The following ZNF516 variants were observed in gnomAD, a reference collection of about 807,000 sequenced individuals.
The protein encoded by ZNF516 is zinc finger protein 516.
ZNF516 carries 19 observed loss-of-function variants against 79.7 expected under a neutral mutation model. The ratio of observed to expected loss-of-function variants is 0.24; its 90% CI spans 0.17 to 0.35. The LOEUF is 0.35. Among genes scored for constraint, ZNF516 ranks in the 10% least tolerant of loss-of-function variants. ZNF516 has a pLI of 1.00. For missense variants in ZNF516, 1,678 were observed against 1,679.5 expected, an observed-to-expected ratio of 1.00 and a Z score of 0.02; for synonymous variants, 877 against 739.5, an observed-to-expected ratio of 1.19 and a Z score of -3.02.
chr18:76,375,930 G>A (rs189135630), intron 4 of ZNF516, among the ~76,000 whole-genome samples: 21 of 152,062 alleles, frequency 1.4e-4, no homozygotes, highest in Non-Finnish European at 2.6e-4. Flanking sequence ...CAAGAGACCA[G>A]GTAGAGGATG....
intron 3 of ZNF516, among the ~76,000 whole-genome samples, chr18:76,427,399 T>C (rs1320618798): frequency 6.6e-6 from 1 of 152,188 alleles, no homozygotes; most frequent in East Asian, 1.9e-4. Flanking sequence ...AAACATAACA[T>C]AACCTACCAG....
In ZNF516 at chr18:76,441,694, C is replaced by T. The variant is rs1450687811; in HGVS notation, c.1361G>A (p.Arg454His). ...CTCCTGGCTCACCAGGACGTACTCG[C>T]GCCTGTCCTTGTCGAAGGCCACGTC... ...AGDVAFDKDR[R>H]EYVLVSQEKR... The change falls in exon 3 of 7, where the codon CGC (arginine) becomes CAC (histidine). Residue 454 changes from arginine to histidine, a missense_variant. Physicochemically the swap from Arg to His is conservative, Grantham distance 29. This residue lies in a region of ZNF516 where 1,294 missense variants were observed against 1,248.3 expected (regional missense o/e 1.04). Coordinates refer to ENST00000443185, the MANE Select transcript of ZNF516 (RefSeq NM_014643.4). 2 of 1,566,240 alleles carry T rather than the reference C, an allele frequency of 1.3e-6. No homozygotes were observed. The highest frequency in any genetic ancestry group is 8.6e-7 in the Non-Finnish European group (1 of 1,158,838).
chr18:76,384,387 G>A (rs1203343249), intron 3 of ZNF516, among the ~76,000 whole-genome samples: 4 of 113,190 alleles, frequency 3.5e-5, no homozygotes, highest in East Asian at 3.1e-4. Context: ...CCCCCACCAC[G>A]GGCCGCACCC....
chr18:76,435,015 C>T (rs961716966), intron 3 of ZNF516, among the ~76,000 whole-genome samples: 2 of 152,244 alleles, frequency 1.3e-5, no homozygotes, highest in African/African-American at 4.8e-5. Context: ...CACCATTCGG[C>T]ATGGGGCAAA....
chr18:76,376,093 G>A (rs932040815), intron 4 of ZNF516, among the ~76,000 whole-genome samples: 31 of 152,358 alleles, frequency 2.0e-4, no homozygotes, highest in African/African-American at 7.0e-4. Flanking sequence ...AATGTCTGAA[G>A]CCTTAAAGAA....
At chr18:76,418,344 G>A (rs2075461496) in intron 3 of ZNF516, among the ~76,000 whole-genome samples, 1 of 151,710 alleles carries the variant, frequency 6.6e-6, no homozygotes, top group African/African-American at 2.4e-5. Flanking sequence ...ATAACACGCT[G>A]TGACATATGC....
At chr18:76,432,549 G>A (rs1282228872) in intron 3 of ZNF516, among the ~76,000 whole-genome samples, 3 of 152,254 alleles carry the variant, frequency 2.0e-5, no homozygotes, top group Non-Finnish European at 4.4e-5. Context: ...CGTGTCACCT[G>A]AGCCCTGTGT....
chr18:76,417,839 AATG>A (rs1462065970), intron 3 of ZNF516, among the ~76,000 whole-genome samples: 3 of 152,230 alleles, frequency 2.0e-5, no homozygotes, highest in Non-Finnish European at 2.9e-5. Flanking sequence ...ACCTCTGAAA[AATG>A]ATATTTAAAT....
intron 6 of ZNF516, among the ~76,000 whole-genome samples, chr18:76,367,954 CGGTGTTGCAT>C (rs1479544413): frequency 1.3e-5 from 2 of 152,082 alleles, no homozygotes; most frequent in African/African-American, 4.8e-5. Context: ...CATGAATACA[CGGTGTTGCAT>C]GATCAAAAAA....
chr18:76,407,400 G>A (rs932562983), intron 3 of ZNF516, among the ~76,000 whole-genome samples: 5 of 152,222 alleles, frequency 3.3e-5, no homozygotes, highest in Non-Finnish European at 7.3e-5. Context: ...ACTCCAGCCT[G>A]AGCGACAGAG....
chr18:76,417,398 T>C (rs967569578), intron 3 of ZNF516, among the ~76,000 whole-genome samples: 4 of 152,250 alleles, frequency 2.6e-5, no homozygotes, highest in African/African-American at 9.6e-5. Context: ...TCAAAAGTCT[T>C]CTGCCTTCAA....
At chr18:76,461,078 A>G (rs572916616) in intron 2 of ZNF516, among the ~76,000 whole-genome samples, 1 of 152,334 alleles carries the variant, frequency 6.6e-6, no homozygotes, top group African/African-American at 2.4e-5. Context: ...GCTACTTGGG[A>G]GGCTGAGGCA....
At chr18:76,373,970 T>C (rs2074747503) in intron 4 of ZNF516, among the ~76,000 whole-genome samples, 1 of 152,208 alleles carries the variant, frequency 6.6e-6, no homozygotes, top group African/African-American at 2.4e-5. Flanking sequence ...GTTTGGAAAG[T>C]GGACTTAACG....
intron 2 of ZNF516, among the ~76,000 whole-genome samples, chr18:76,450,185 G>GGT (rs1555714176): frequency 5.6e-5 from 1 of 18,016 alleles, no homozygotes; most frequent in Non-Finnish European, 1.1e-4. Flanking sequence ...TGAAACTAAA[G>GGT]GGGGGGGGGT....
chr18:76,444,017 C>T (rs1275424638), intron 2 of ZNF516, among the ~76,000 whole-genome samples: 1 of 152,208 alleles, frequency 6.6e-6, no homozygotes, highest in South Asian at 2.1e-4. Flanking sequence ...TAGCTGTGTC[C>T]AGCACGGAAC....
intron 3 of ZNF516, among the ~76,000 whole-genome samples, chr18:76,410,549 G>T (rs1314027305): frequency 6.6e-6 from 1 of 152,202 alleles, no homozygotes; most frequent in Admixed American, 6.5e-5. Flanking sequence ...CAGGTACCGA[G>T]ACGCTTTTCT....
rs1473401226 is a variant in ZNF516 at position 76,379,147 on chromosome 18, C to T, written c.2967G>A (p.Lys989=). 3 of 1,612,774 alleles carry T rather than the reference C, an allele frequency of 1.9e-6. No individual in the cohort carries two copies. Among genetic ancestry groups the T allele is most frequent in the African/African-American group, 2.7e-5 (2 of 74,912 alleles). ...SAQPQGPPPA[K]GEGGAPPLPP... Reference sequence around the variant, plus strand: ...GTAGAGGAGGAGCGCCCCCTTCGCCCTTTGCAGGAGGTGGACCCTGAGGCT... The same window carrying T: ...GTAGAGGAGGAGCGCCCCCTTCGCCTTTTGCAGGAGGTGGACCCTGAGGCT... The change falls in exon 4 of 7, where the codon AAG becomes AAA. Residue 989 remains lysine (K), a synonymous_variant. Coordinates refer to ENST00000443185, the MANE Select transcript of ZNF516 (RefSeq NM_014643.4).
In ZNF516 at chr18:76,360,641, AAAAAAATATATATATAT is replaced by A. The variant is rs2074517208; in HGVS notation, c.*1840_*1856del. On this transcript the variant is annotated 3_prime_UTR_variant, in exon 7 of 7. Coordinates refer to ENST00000443185, the MANE Select transcript of ZNF516 (RefSeq NM_014643.4). ...ATCAGAAAAAAATAAGTAAAAAAAA[AAAAAAATATATATATAT>A]ATATATATATATATATATATAAGCT... 8.8e-6 allele frequency: 1 copy of A among 113,668 alleles called. No individual in the cohort carries two copies. Among genetic ancestry groups the A allele is most frequent in the Non-Finnish European group, 1.9e-5 (1 of 52,852 alleles). 7.0% of individuals were successfully genotyped at this position (113,668 alleles called of 1,614,324 possible).
intron 1 of ZNF516, among the ~76,000 whole-genome samples, chr18:76,465,256 C>T (rs1010336723): frequency 2.0e-5 from 3 of 152,232 alleles, no homozygotes; most frequent in Admixed American, 1.3e-4. Flanking sequence ...TATGCACATC[C>T]AGAGATGCTT....
Sources: gnomAD v4.1 joint callset for allele counts (sites outside exome capture counted in the v4.1 genomes callset) on GRCh38, gnomAD v4.1.1 for gene constraint, gnomAD v4.1.1 regional missense constraint, MANE v1.5 for transcripts, NCBI Gene and HGNC (gene_info 2026-07-23, HGNC 2026-07-21) for gene names.